The following GRIA1 variants were observed in gnomAD, a reference collection of about 807,000 sequenced individuals.
GRIA1 encodes glutamate ionotropic receptor AMPA type subunit 1.
In GRIA1, 31 loss-of-function variants were observed where a neutral mutation model predicts 99.2. That is an observed-to-expected ratio of 0.31 (90% CI 0.23 to 0.42). GRIA1 has a LOEUF of 0.42. Ranked by LOEUF, GRIA1 falls within the 10% of genes least tolerant of loss-of-function variation. The pLI, the probability that GRIA1 is intolerant of heterozygous loss-of-function variation, is 1.00. For synonymous variants in GRIA1, 438 were observed against 432.4 expected (o/e 1.01, Z -0.16); for missense variants, 782 against 1,157.5 (o/e 0.68, Z 4.71).
chr5:153,613,938 T>G (rs1766234151), intron 2 of GRIA1, among the ~76,000 whole-genome samples: 1 of 152,126 alleles, frequency 6.6e-6, no homozygotes, highest in Non-Finnish European at 1.5e-5. Flanking sequence ...CAGCCACCTC[T>G]CCACCTCAGT....
At chr5:153,702,463 C>G (rs1296636841) in intron 10 of GRIA1, among the ~76,000 whole-genome samples, 13 of 152,246 alleles carry the variant, frequency 8.5e-5, no homozygotes, top group Non-Finnish European at 1.9e-4. Flanking sequence ...TTCATTTATG[C>G]AGGGCCTGGC....
intron 5 of GRIA1, among the ~76,000 whole-genome samples, chr5:153,658,089 A>G (rs963579106): frequency 1.3e-5 from 2 of 152,184 alleles, no homozygotes; most frequent in Non-Finnish European, 2.9e-5. Flanking sequence ...ACAGTGAGGC[A>G]GCACTAGAGC....
intron 2 of GRIA1, among the ~76,000 whole-genome samples, chr5:153,641,301 G>A (rs1435068066): frequency 6.6e-6 from 1 of 152,154 alleles, no homozygotes; most frequent in Non-Finnish European, 1.5e-5. Context: ...TAAAAAAGGA[G>A]TTGTTAATGC....
At chr5:153,600,391 C>CAAAAAAAAAAAAAAAAAAA (rs57395601) in intron 2 of GRIA1, among the ~76,000 whole-genome samples, 1 of 51,488 alleles carries the variant, frequency 1.9e-5, no homozygotes. Context: ...GACTCCATCT[C>CAAAAAAAAAAAAAAAAAAA]AAAAAAAAAA....
chr5:153,502,353 C>A (rs1338782149), intron 2 of GRIA1, among the ~76,000 whole-genome samples: 2 of 152,170 alleles, frequency 1.3e-5, no homozygotes, highest in Non-Finnish European at 2.9e-5. Flanking sequence ...AAGCCTGAAT[C>A]ATTGCTGCTT....
intron 13 of GRIA1, among the ~76,000 whole-genome samples, chr5:153,773,286 C>T (rs866686107): frequency 1.3e-5 from 2 of 152,338 alleles, no homozygotes; most frequent in Non-Finnish European, 1.5e-5. Context: ...CAAGCCCTGG[C>T]AGTCTGACTT....
intron 1 of GRIA1, among the ~76,000 whole-genome samples, chr5:153,492,546 T>A (rs1437405111): frequency 1.3e-5 from 2 of 152,202 alleles, no homozygotes; most frequent in African/African-American, 4.8e-5. Flanking sequence ...ATGGGAGCAC[T>A]TGTACATGTG....
chr5:153,704,910 G>A (rs1378205027), intron 10 of GRIA1, among the ~76,000 whole-genome samples: 1 of 152,118 alleles, frequency 6.6e-6, no homozygotes, highest in African/African-American at 2.4e-5. Flanking sequence ...CCTGAGGGTG[G>A]GGACCATAGT....
chr5:153,499,634 A>C (rs1480689556), intron 2 of GRIA1, among the ~76,000 whole-genome samples: 3 of 148,102 alleles, frequency 2.0e-5, no homozygotes, highest in Non-Finnish European at 3.0e-5. Flanking sequence ...AAAAAAAAAA[A>C]AAAAAACTAT....
At chr5:153,678,511 C>G (rs987318216) in intron 7 of GRIA1, among the ~76,000 whole-genome samples, 19 of 152,174 alleles carry the variant, frequency 1.2e-4, no homozygotes, top group African/African-American at 2.4e-4. Flanking sequence ...GCAGCAACAA[C>G]AGACACCAGG....
intron 2 of GRIA1, among the ~76,000 whole-genome samples, chr5:153,533,436 G>A (rs1024017062): frequency 1.3e-5 from 2 of 152,004 alleles, no homozygotes; most frequent in Non-Finnish European, 2.9e-5. Flanking sequence ...AGGAAGAGAT[G>A]GGATTTGGAT....
intron 2 of GRIA1, among the ~76,000 whole-genome samples, chr5:153,502,463 G>T (rs760218480): frequency 6.6e-6 from 1 of 152,164 alleles, no homozygotes; most frequent in Admixed American, 6.5e-5. Context: ...AGTTATGGGG[G>T]TGAAAATCAG....
At chr5:153,597,075 C>T (rs1481145471) in intron 2 of GRIA1, among the ~76,000 whole-genome samples, 2 of 152,168 alleles carry the variant, frequency 1.3e-5, no homozygotes, top group East Asian at 1.9e-4. Context: ...GCAAACACCA[C>T]CAGGAAAGCT....
intron 6 of GRIA1, 149 bp from the exon 7 acceptor site, chr5:153,676,845 A>T (rs888483467): frequency 2.1e-6 from 1 of 477,672 alleles, no homozygotes; most frequent in Middle Eastern, 5.8e-4. Context: ...ACCATCCCTG[A>T]TTCACCACTG....
chr5:153,617,505 T>G (rs77441833), intron 2 of GRIA1, among the ~76,000 whole-genome samples: 35,201 of 152,168 alleles, frequency 0.23, 4,503 homozygotes, highest in Non-Finnish European at 0.3. Context: ...TCTACCTATG[T>G]AGTCCTTTGC....
chr5:153,540,826 A>G (rs1405107012), intron 2 of GRIA1, among the ~76,000 whole-genome samples: 2 of 152,146 alleles, frequency 1.3e-5, no homozygotes, highest in Non-Finnish European at 1.5e-5. Flanking sequence ...TCCTACAAAT[A>G]TTGTGGTAAT....
At chr5:153,512,381 G>A (rs1235765391) in intron 2 of GRIA1, among the ~76,000 whole-genome samples, 3 of 152,200 alleles carry the variant, frequency 2.0e-5, no homozygotes, top group East Asian at 1.9e-4. Flanking sequence ...GTAAGGAATG[G>A]TTGGAGGCTC....
At chr5:153,706,223 A>G in intron 11 of GRIA1, 156 bp downstream of exon 11, 1 of 718,044 alleles carries the variant, frequency 1.4e-6, no homozygotes, top group Non-Finnish European at 2.3e-6. Context: ...TGTCCATTGC[A>G]CGCTGTGGAT....
intron 2 of GRIA1, among the ~76,000 whole-genome samples, chr5:153,559,826 TA>T (rs1418146967): frequency 3.3e-5 from 5 of 152,132 alleles, no homozygotes; most frequent in Non-Finnish European, 5.9e-5. Flanking sequence ...TATAATTTTA[TA>T]CAAAAAAAAA....
Sources: gnomAD v4.1 joint callset for allele counts (sites outside exome capture counted in the v4.1 genomes callset) on GRCh38, gnomAD v4.1.1 for gene constraint, MANE v1.5 for transcripts, NCBI Gene and HGNC (gene_info 2026-07-23, HGNC 2026-07-21) for gene names.